XPA: variants seen among roughly 807,000 people sequenced by gnomAD.
The protein encoded by XPA is DNA repair protein complementing XP-A cells.
Under a neutral mutation model 35.7 loss-of-function variants are expected in XPA, and 27 were observed. The ratio of observed to expected loss-of-function variants is 0.76; its 90% CI spans 0.56 to 1.04. The LOEUF (loss-of-function observed/expected upper bound fraction) is 1.04, where lower values mean the gene tolerates loss of function less well. Among genes scored for constraint, XPA ranks in the 50% least tolerant of loss-of-function variants. The probability of loss-of-function intolerance (pLI) is 0.00; values close to 1 mark genes in which losing one functional copy is unlikely to be tolerated. For synonymous variants in XPA, 133 were observed against 118.4 expected (o/e 1.12, Z -0.80); for missense variants, 354 against 342.7 (o/e 1.03, Z -0.26).
intron 5 of XPA, among the ~76,000 whole-genome samples, chr9:97,683,145 G>A (rs1214244984): frequency 6.6e-6 from 1 of 152,152 alleles, no homozygotes; most frequent in Non-Finnish European, 1.5e-5. Context: ...GTTTAAGGAG[G>A]CAGCAAAGAG....
chr9:97,677,760 T>TTC (rs987098271), intron 5 of XPA, among the ~76,000 whole-genome samples: 1 of 151,814 alleles, frequency 6.6e-6, no homozygotes, highest in African/African-American at 2.4e-5. Context: ...TTCTTTTTTT[T>TTC]TTACCCTTCT....
At chr9:97,681,524 G>C (rs1828539325) in intron 5 of XPA, among the ~76,000 whole-genome samples, 1 of 152,154 alleles carries the variant, frequency 6.6e-6, no homozygotes, top group Non-Finnish European at 1.5e-5. Flanking sequence ...AAAGTACATA[G>C]TAATAAATAA....
chr9:97,678,273 T>C (rs556249921), intron 5 of XPA, among the ~76,000 whole-genome samples: 3 of 152,154 alleles, frequency 2.0e-5, no homozygotes, highest in Admixed American at 6.5e-5. Context: ...TGGTGGCATA[T>C]GCCTGTAATC....
rs1445432477 is a variant in XPA at position 97,675,229 on chromosome 9, T to C, written c.*210A>G. ...TGTTGTAAGAAGGCAATCACAGACATGACATTGTGCACACAACCAGGCCAG... is the reference window on the plus strand; with the variant it reads ...TGTTGTAAGAAGGCAATCACAGACACGACATTGTGCACACAACCAGGCCAG... On this transcript the variant is annotated 3_prime_UTR_variant, in exon 6 of 6. Coordinates refer to ENST00000375128, the MANE Select transcript of XPA (RefSeq NM_000380.4). The C allele has an allele frequency of 1.5e-6, 1 of 671,752 alleles. No homozygotes were observed. Among genetic ancestry groups the C allele is most frequent in the East Asian group, 2.9e-5 (1 of 34,062 alleles). 41.6% of individuals were successfully genotyped at this position (671,752 alleles called of 1,614,324 possible). A position where few individuals can be genotyped will look rare whatever the true frequency, so the allele number is the denominator to read the frequency against.
the XPA span, among the ~76,000 whole-genome samples, chr9:97,665,680 TG>T: frequency 2.6e-5 from 4 of 152,320 alleles, no homozygotes; most frequent in Admixed American, 2.0e-4. Context: ...AACTATTATT[TG>T]GGTCAAAATT....
intron 5 of XPA, among the ~76,000 whole-genome samples, chr9:97,677,916 T>C (rs1056397634): frequency 2.0e-5 from 3 of 152,164 alleles, no homozygotes; most frequent in East Asian, 1.9e-4. Context: ...CAAGTCACTA[T>C]ATTAAGGATC....
At chr9:97,694,256 G>A (rs3176648) in intron 1 of XPA, among the ~76,000 whole-genome samples, 3,556 of 139,308 alleles carry the variant, frequency 0.026, 152 homozygotes, top group African/African-American at 0.083. Context: ...GTGTGTGTGC[G>A]TGCGCACGTG....
At chr9:97,692,601 T>C (rs1828928166) in intron 2 of XPA, among the ~76,000 whole-genome samples, 1 of 152,174 alleles carries the variant, frequency 6.6e-6, no homozygotes, top group African/African-American at 2.4e-5. Context: ...AGCTATTACA[T>C]AGCATTATTA....
At chr9:97,691,151 G>A (rs1206247372) in intron 2 of XPA, among the ~76,000 whole-genome samples, 1 of 152,144 alleles carries the variant, frequency 6.6e-6, no homozygotes, top group Non-Finnish European at 1.5e-5. Context: ...GACAACAACA[G>A]AATTCACTTC....
the XPA span, chr9:97,666,658 A>G: frequency 1.5e-6 from 1 of 681,630 alleles, no homozygotes; most frequent in Non-Finnish European, 2.4e-6. Context: ...CCCCAAGGAC[A>G]GAAGGCTGTA....
chr9:97,665,243 A>G, the XPA span, among the ~76,000 whole-genome samples: 1 of 152,264 alleles, frequency 6.6e-6, no homozygotes, highest in Non-Finnish European at 1.5e-5. Context: ...TCATAAACAA[A>G]GACAACAGAA....
At chr9:97,659,345 T>C in the XPA span, among the ~76,000 whole-genome samples, 7 of 152,216 alleles carry the variant, frequency 4.6e-5, no homozygotes, top group African/African-American at 1.7e-4. Flanking sequence ...AGCCCCTCCA[T>C]GATCCTTCCA....
Position 97,697,010 on chromosome 9 carries a change from C to T in XPA, c.172+111G>A, listed in dbSNP as rs1587755333. On this transcript the variant is annotated intron_variant, in intron 1 of 5. Coordinates refer to ENST00000375128, the MANE Select transcript of XPA (RefSeq NM_000380.4). ...GACTCGGGGAGAATCTGCACACATA[C>T]GCCAGCGGAGTTGACGCGACCCCCG... 2.2e-6 allele frequency: 3 copies of T among 1,359,308 alleles called. No homozygotes were observed. In the East Asian group the frequency reaches 8.0e-5, roughly 36 times the overall value. The allele number at this position is 1,359,308 out of a possible 1,614,324, so 84.2% of individuals were successfully genotyped here.
rs754834220 is a variant in XPA at position 97,675,178 on chromosome 9, C to G, written c.*261G>C. Reference sequence around the variant, plus strand: ...TGTAGCTGACCTACCACTTCTGCACCTACTCTAGCACTCAGCTCCCATCTC... The same window carrying G: ...TGTAGCTGACCTACCACTTCTGCACGTACTCTAGCACTCAGCTCCCATCTC... On this transcript the variant is annotated 3_prime_UTR_variant, in exon 6 of 6. Transcript: ENST00000375128. 1 of 601,386 alleles carries G rather than the reference C, an allele frequency of 1.7e-6. No individual in the cohort carries two copies. Among genetic ancestry groups the G allele is most frequent in the South Asian group, 1.5e-5 (1 of 65,864 alleles). The allele number at this position is 601,386 out of a possible 1,614,324, so 37.3% of individuals were successfully genotyped here. A position where few individuals can be genotyped will look rare whatever the true frequency, so the allele number is the denominator to read the frequency against.
At chr9:97,659,355 A>G in the XPA span, among the ~76,000 whole-genome samples, 1 of 152,056 alleles carries the variant, frequency 6.6e-6, no homozygotes, top group African/African-American at 2.4e-5. Flanking sequence ...TGATCCTTCC[A>G]TTTTGTGTTG....
At chr9:97,662,167 G>A in the XPA span, 1 of 1,573,798 alleles carries the variant, frequency 6.4e-7, no homozygotes, top group Non-Finnish European at 8.7e-7. Context: ...ACAGAGCCTT[G>A]CTTGAGAGTT....
At chr9:97,654,597 C>T in the XPA span, among the ~76,000 whole-genome samples, 19 of 151,360 alleles carry the variant, frequency 1.3e-4, no homozygotes, top group Non-Finnish European at 2.5e-4. Flanking sequence ...TTCTGCTAAG[C>T]ACAATGAAAC....
the XPA span, among the ~76,000 whole-genome samples, chr9:97,659,545 C>T: frequency 6.6e-6 from 1 of 152,180 alleles, no homozygotes; most frequent in Admixed American, 6.5e-5. Flanking sequence ...ATCAAAACTA[C>T]AATGAGGAAA....
chr9:97,676,643 G>A (rs577048965), intron 5 of XPA, among the ~76,000 whole-genome samples: 7 of 152,062 alleles, frequency 4.6e-5, no homozygotes, highest in Non-Finnish European at 8.8e-5. Flanking sequence ...TATGTATAAG[G>A]CAGTGTTCTT....
Sources: allele counts gnomAD v4.1 joint callset (sites outside exome capture counted in the v4.1 genomes callset), GRCh38; gene constraint gnomAD v4.1.1; transcripts MANE v1.5; gene names NCBI Gene and HGNC (gene_info 2026-07-23, HGNC 2026-07-21).